RYR1: variants seen among roughly 807,000 people sequenced by gnomAD.
RYR1 encodes ryanodine receptor 1.
In RYR1, 342 loss-of-function variants were observed where a neutral mutation model predicts 583.5. The ratio of observed to expected loss-of-function variants is 0.59; its 90% CI spans 0.54 to 0.64. The LOEUF (loss-of-function observed/expected upper bound fraction) is 0.64. RYR1 is among the 30% of genes least tolerant of loss of function. The pLI is 0.00. For missense variants in RYR1, 6,032 were observed against 6,917.2 expected (o/e 0.87, Z 4.54); for synonymous variants, 2,791 against 2,822.5 (o/e 0.99, Z 0.35).
In RYR1 at chr19:38,572,049, A is replaced by G. The variant is rs1480384514; in HGVS notation, c.13777A>G (p.Met4593Val). Residue 4593 changes from methionine (M) to valine (V), a missense_variant, in exon 95 of 106, where the codon ATG becomes GTG. By Grantham distance (21) the Met-to-Val change is conservative (BLOSUM62 1). Transcript: ENST00000359596. ...VSDSPPGEDD[M>V]EGSAAGDVSG... Reference sequence around the variant, plus strand: ...AGACTCTCCACCAGGGGAGGACGACATGGAAGGCTCAGCTGCTGGGGATGT... The same window carrying G: ...AGACTCTCCACCAGGGGAGGACGACGTGGAAGGCTCAGCTGCTGGGGATGT... 1.2e-6 allele frequency: 2 copies of G among 1,614,118 alleles called. No individual in the cohort carries two copies. Among genetic ancestry groups the G allele is most frequent in the South Asian group, 2.2e-5 (2 of 91,082 alleles).
At chr19:38,465,645 T>C (rs1275251469) in intron 23 of RYR1, among the ~76,000 whole-genome samples, 3 of 151,858 alleles carry the variant, frequency 2.0e-5, no homozygotes, top group Admixed American at 2.0e-4. Context: ...ATGCCTGTAA[T>C]CCCTGCTACT....
At chr19:38,445,314 C>G (rs1015233300) in intron 7 of RYR1, among the ~76,000 whole-genome samples, 2 of 149,908 alleles carry the variant, frequency 1.3e-5, no homozygotes, top group Admixed American at 6.7e-5. Context: ...CCCCCAAATT[C>G]AAACCTCAGA....
In RYR1 at chr19:38,466,246, T is replaced by C. The variant is rs772897945; in HGVS notation, c.3026T>C (p.Val1009Ala). The change falls in exon 24 of 106, where the codon GTG becomes GCG. Residue 1009 changes from valine to alanine, a missense_variant. Transcript: ENST00000359596. The part of the protein sequence containing the change: ...RVGQGWSYSA[V>A]QDIPARRNPR... Reference sequence around the variant, plus strand: ...GGCCAGGGCTGGAGCTACAGCGCAGTGCAGGACATCCCAGCGCGCCGAAAC... The same window carrying C: ...GGCCAGGGCTGGAGCTACAGCGCAGCGCAGGACATCCCAGCGCGCCGAAAC... 4 of 1,613,328 alleles carry C rather than the reference T, an allele frequency of 2.5e-6. No individual in the cohort carries two copies. The East Asian group carries it at 6.7e-5, about 27-fold the overall frequency.
At chr19:38,457,045 CCAAAAAAAAAAAAAA>C (rs1339614265) in intron 16 of RYR1, among the ~76,000 whole-genome samples, 8 of 19,588 alleles carry the variant, frequency 4.1e-4, no homozygotes, top group African/African-American at 1.5e-3. Context: ...GACTCCATCT[CCAAAAAAAAAAAAAA>C]AAAAAAAAAA....
chr19:38,552,899 G>A (rs1416484763), intron 89 of RYR1, among the ~76,000 whole-genome samples: 2 of 152,136 alleles, frequency 1.3e-5, no homozygotes, highest in Non-Finnish European at 2.9e-5. Context: ...TCTCCTGACT[G>A]GGGCTGCACA....
chr19:38,480,074 A>G (rs1269502684), intron 31 of RYR1, among the ~76,000 whole-genome samples: 1 of 152,088 alleles, frequency 6.6e-6, no homozygotes, highest in Non-Finnish European at 1.5e-5. Context: ...GAATAGTATA[A>G]TGAACTGCCA....
Position 38,440,868 on chromosome 19 carries a change from T to C in RYR1, c.165+4T>C. ...GGAGCCCACTAGCAACGCGCAGGTC[T>C]GTGCAGGAGGGAGAGGGGCCTGGGG... On this transcript the variant is annotated splice_donor_region_variant and intron_variant, in intron 2 of 105. Coordinates refer to ENST00000359596, the MANE Select transcript of RYR1 (RefSeq NM_000540.3). The C allele has an allele frequency of 6.2e-7, 1 of 1,610,040 alleles. No homozygotes were observed. Among genetic ancestry groups the C allele is most frequent in the Non-Finnish European group, 8.5e-7 (1 of 1,178,056 alleles).
In RYR1 at chr19:38,481,752, C is replaced by T. The variant is rs112297994; in HGVS notation, c.4621-1275C>T. Among the ~76,000 whole-genome samples the T allele has an allele frequency of 3.7e-4, 57 of 152,218 alleles. 4 individuals are homozygous for T. Among genetic ancestry groups the T allele is most frequent in the African/African-American group, 1.3e-3 (54 of 41,538 alleles). On this transcript the variant is annotated intron_variant, in intron 31 of 105. Transcript: ENST00000359596. ...AGTGAGCTATGATAGCGCCACTGCA[C>T]TCCAGCCTGGGTGGCAGAGCGAGAC...
intron 72 of RYR1, 63 bp downstream of exon 72, chr19:38,527,115 G>T: frequency 1.3e-6 from 2 of 1,570,698 alleles, no homozygotes; most frequent in South Asian, 1.1e-5. Flanking sequence ...TATTAGTGAA[G>T]GTTTGAGCAT....
Position 38,444,710 on chromosome 19 carries a change from T to TCC in RYR1, c.631+38_631+39dup, listed in dbSNP as rs35018208. 356 of 1,474,990 alleles carry TCC rather than the reference T, an allele frequency of 2.4e-4. No individual in the cohort carries two copies. Among genetic ancestry groups the TCC allele is most frequent in the Non-Finnish European group, 3.1e-4 (325 of 1,063,450 alleles). 91.4% of individuals were successfully genotyped at this position (1,474,990 alleles called of 1,614,324 possible). On this transcript the variant is annotated intron_variant, in intron 7 of 105. Coordinates refer to ENST00000359596, the MANE Select transcript of RYR1 (RefSeq NM_000540.3). The surrounding 1 kb of genome is among the most constrained non-coding windows in gnomAD (Gnocchi z 5.1). The stretch of plus-strand genomic sequence containing the variant: ...CCCCAGACCTCCCCCTAAATGGAGA[T>TCC]CCCCCCAAAACAGACCCTTAATGTT...
chr19:38,519,488 C>G, intron 67 of RYR1, 34 bp downstream of exon 67: 1 of 1,568,922 alleles, frequency 6.4e-7, no homozygotes. Context: ...ATGCCCTCCG[C>G]CCCGACCTCC....
chr19:38,460,533 G>A lies in RYR1; in HGVS notation c.2519G>A (p.Gly840Asp). The A allele has an allele frequency of 6.2e-7, 1 of 1,613,998 alleles. No individual in the cohort carries two copies. The highest frequency in any genetic ancestry group is 8.5e-7 in the Non-Finnish European group (1 of 1,180,032). Residue 840 changes from glycine (G) to aspartate (D), a missense_variant, in exon 20 of 106, where the codon GGC becomes GAC. Gly to Asp is a moderately conservative substitution (Grantham distance 94). Coordinates refer to ENST00000359596, the MANE Select transcript of RYR1 (RefSeq NM_000540.3). ...REGPRGPHLV[G>D]PSRCLSHTDF... Reference sequence around the variant, plus strand: ...GGGCCCCGGGGGCCTCACCTGGTGGGCCCCAGTCGCTGCCTCTCACACACC... The same window carrying A: ...GGGCCCCGGGGGCCTCACCTGGTGGACCCCAGTCGCTGCCTCTCACACACC...
At chr19:38,501,046 A>G (rs1405900482) in intron 47 of RYR1, 56 bp downstream of exon 47, 79 of 1,572,214 alleles carry the variant, frequency 5.0e-5, no homozygotes, top group Non-Finnish European at 6.6e-5. Flanking sequence ...GGGACAGGAG[A>G]TGGGTCACGG....
At chr19:38,529,104 G>C (rs936211033) in intron 76 of RYR1, 47 bp downstream of exon 76, 11 of 1,590,448 alleles carry the variant, frequency 6.9e-6, no homozygotes, top group Non-Finnish European at 9.5e-6. Flanking sequence ...AGGTCCTGGG[G>C]CCACCCCCAG....
chr19:38,580,271 A>G, intron 100 of RYR1, 99 bp from the exon 101 acceptor site: 1 of 1,587,474 alleles, frequency 6.3e-7, no homozygotes, highest in Non-Finnish European at 8.6e-7. Flanking sequence ...GCAGCAAGGT[A>G]GAGCCACAGG....
intron 2 of RYR1, 58 bp downstream of exon 2, chr19:38,440,922 T>C: frequency 6.3e-7 from 1 of 1,574,994 alleles, no homozygotes. Flanking sequence ...GCAGAGAATC[T>C]TGGGTCCAAA....
intron 89 of RYR1, among the ~76,000 whole-genome samples, chr19:38,549,530 C>T (rs1486395221): frequency 6.6e-6 from 1 of 152,062 alleles, no homozygotes; most frequent in Admixed American, 6.6e-5. Flanking sequence ...GCTATTACTA[C>T]TCCCTGATCT....
chr19:38,516,354 C>T (rs1970971844), intron 65 of RYR1, 137 bp downstream of exon 65: 2 of 992,416 alleles, frequency 2.0e-6, no homozygotes, highest in Non-Finnish European at 3.0e-6. Flanking sequence ...GGGAGTGCCA[C>T]ACATTCAGGA....
chr19:38,490,531 A>G (rs1397712350), intron 36 of RYR1, 90 bp from the exon 37 acceptor site: 3 of 898,820 alleles, frequency 3.3e-6, no homozygotes, highest in Non-Finnish European at 5.5e-6. Flanking sequence ...GACCTTAGAC[A>G]TGGACTAACA....
Sources: gnomAD v4.1 joint callset for allele counts (sites outside exome capture counted in the v4.1 genomes callset) on GRCh38, gnomAD v4.1.1 for gene constraint, Gnocchi (gnomAD v3.1) non-coding constraint, MANE v1.5 for transcripts, NCBI Gene and HGNC (gene_info 2026-07-23, HGNC 2026-07-21) for gene names.